Variants in RBFOX3 observed in about 807,000 individuals in gnomAD.
The protein encoded by RBFOX3 is RNA binding fox-1 homolog 3.
In RBFOX3, 17 loss-of-function variants were observed where a neutral mutation model predicts 48.7. The ratio of observed to expected loss-of-function variants is 0.35; its 90% confidence interval spans 0.24 to 0.52. The LOEUF is 0.52. RBFOX3 is among the 20% of genes least tolerant of loss of function. The pLI is 0.94. For missense variants in RBFOX3, 382 were observed against 497.5 expected, an observed-to-expected ratio of 0.77 and a Z score of 2.21; for synonymous variants, 212 against 209.5, an observed-to-expected ratio of 1.01 and a Z score of -0.10.
At chr17:79,207,880 C>G (rs2057733391) in intron 4 of RBFOX3, among the ~76,000 whole-genome samples, 1 of 152,188 alleles carries the variant, frequency 6.6e-6, no homozygotes, top group African/African-American at 2.4e-5. Context: ...AGTCTTGCCC[C>G]CAAAAGGAGG....
At chr17:79,184,942 C>T (rs981003333) in intron 4 of RBFOX3, among the ~76,000 whole-genome samples, 4 of 152,190 alleles carry the variant, frequency 2.6e-5, no homozygotes, top group African/African-American at 9.7e-5. Flanking sequence ...CCCTGTTGCA[C>T]CCACTGCAGG....
chr17:79,625,017 C>A, the RBFOX3 span, among the ~76,000 whole-genome samples: 1 of 152,088 alleles, frequency 6.6e-6, no homozygotes, highest in South Asian at 2.1e-4. Context: ...TGGCATATGG[C>A]ACACCTCCCA....
chr17:79,142,995 G>A (rs1276000027), intron 4 of RBFOX3, among the ~76,000 whole-genome samples: 1 of 152,138 alleles, frequency 6.6e-6, no homozygotes, highest in African/African-American at 2.4e-5. Context: ...GCCCAGGACA[G>A]GGACATCCTG....
At chr17:79,569,753 G>A (rs966766404) in intron 1 of RBFOX3, among the ~76,000 whole-genome samples, 1 of 152,268 alleles carries the variant, frequency 6.6e-6, no homozygotes, top group Non-Finnish European at 1.5e-5. Context: ...TGTTTGGATG[G>A]ATGGAAAGAT....
intron 2 of RBFOX3, among the ~76,000 whole-genome samples, chr17:79,321,256 G>A (rs1402509535): frequency 2.6e-5 from 4 of 152,200 alleles, no homozygotes; most frequent in Non-Finnish European, 4.4e-5. Context: ...GTGATGCTGG[G>A]GTCTCTACCT....
chr17:79,559,463 C>T lies in RBFOX3; in HGVS notation c.-320+51363G>A, dbSNP rs1385579805. ...TAGTAGATGGGTAGGTGGATGGTGA[C>T]TGATGGATACTGCATGATGGATGGG... is the stretch of plus-strand genomic sequence containing the variant. On this transcript the variant is annotated intron_variant, in intron 1 of 14. Transcript: ENST00000693108. 7.8e-5 allele frequency among the ~76,000 whole-genome samples: 11 copies of T among 141,132 alleles called. No homozygotes were observed. The East Asian group carries it at 2.3e-3, about 29-fold the overall frequency. The allele number at this position is 141,132 out of a possible 152,430, so 92.6% of individuals were successfully genotyped here.
intron 14 of RBFOX3, among the ~76,000 whole-genome samples, chr17:79,091,513 G>C (rs559262016): frequency 6.6e-6 from 1 of 152,328 alleles, no homozygotes; most frequent in African/African-American, 2.4e-5. Context: ...GCCATGCACC[G>C]GGCTGGCCAG....
At chr17:79,092,348 G>A in intron 14 of RBFOX3, 1 of 985,568 alleles carries the variant, frequency 1.0e-6, no homozygotes, top group Non-Finnish European at 1.2e-6. Flanking sequence ...AGTCAAAATA[G>A]GAAATCACGG....
At chr17:79,322,941 G>A (rs2078763489) in intron 2 of RBFOX3, among the ~76,000 whole-genome samples, 1 of 152,228 alleles carries the variant, frequency 6.6e-6, no homozygotes, top group Non-Finnish European at 1.5e-5. Flanking sequence ...TGCTGGCACT[G>A]CATGTGGCCA....
chr17:79,171,097 G>A (rs187219743), intron 4 of RBFOX3, among the ~76,000 whole-genome samples: 2 of 152,322 alleles, frequency 1.3e-5, no homozygotes, highest in East Asian at 3.9e-4. Flanking sequence ...TGTGGCTGTC[G>A]AGCAATTGAG....
intron 3 of RBFOX3, among the ~76,000 whole-genome samples, chr17:79,303,840 T>C (rs1463418956): frequency 7.5e-6 from 1 of 134,192 alleles, no homozygotes; most frequent in East Asian, 2.2e-4. Flanking sequence ...TATGCATGTG[T>C]GCATGTCTGC....
intron 3 of RBFOX3, among the ~76,000 whole-genome samples, chr17:79,251,406 C>A (rs1031531978): frequency 6.6e-6 from 1 of 152,130 alleles, no homozygotes; most frequent in Admixed American, 6.5e-5. Flanking sequence ...TGATTCAGCA[C>A]CCCCAAACTC....
intron 4 of RBFOX3, among the ~76,000 whole-genome samples, chr17:79,170,176 GGGA>G (rs2048965935): frequency 6.6e-6 from 1 of 150,974 alleles, no homozygotes; most frequent in South Asian, 2.1e-4. Flanking sequence ...AGGAAGGAAG[GGGA>G]AGGAAGGGCA....
At chr17:79,578,011 C>G (rs1159548966) in intron 1 of RBFOX3, among the ~76,000 whole-genome samples, 1 of 152,238 alleles carries the variant, frequency 6.6e-6, no homozygotes, top group Non-Finnish European at 1.5e-5. Context: ...AGCTCAGAAC[C>G]CTGCTGTCCC....
chr17:79,318,341 A>G (rs2077831897), intron 2 of RBFOX3, among the ~76,000 whole-genome samples: 1 of 152,184 alleles, frequency 6.6e-6, no homozygotes, highest in Non-Finnish European at 1.5e-5. Context: ...CAGGAGATGA[A>G]ACTGCTGGGG....
intron 2 of RBFOX3, among the ~76,000 whole-genome samples, chr17:79,315,691 G>T (rs75378449): frequency 6.6e-6 from 1 of 152,248 alleles, no homozygotes; most frequent in East Asian, 1.9e-4. Context: ...GGTCGACAGC[G>T]ACAGTTTCAA....
chr17:79,545,476 C>T (rs1318528329), intron 1 of RBFOX3, among the ~76,000 whole-genome samples: 3 of 152,194 alleles, frequency 2.0e-5, no homozygotes, highest in Admixed American at 6.5e-5. Flanking sequence ...CCTGGCCTCT[C>T]CCCACTTCGG....
intron 3 of RBFOX3, among the ~76,000 whole-genome samples, chr17:79,302,777 A>G (rs8078791): frequency 0.73 from 110,360 of 152,168 alleles, 40,252 homozygotes; most frequent in East Asian, 0.84. Context: ...TTTGGTTGGT[A>G]GTAGTTGGGA....
intron 3 of RBFOX3, among the ~76,000 whole-genome samples, chr17:79,271,598 C>T (rs1174120730): frequency 6.6e-6 from 1 of 152,160 alleles, no homozygotes; most frequent in Non-Finnish European, 1.5e-5. Context: ...GGCCATGTTC[C>T]TACCACCAAG....
Sources: gnomAD v4.1 joint callset for allele counts (sites outside exome capture counted in the v4.1 genomes callset) on GRCh38, gnomAD v4.1.1 for gene constraint, MANE v1.5 for transcripts, NCBI Gene and HGNC (gene_info 2026-07-23, HGNC 2026-07-21) for gene names.